SATL1: variants seen among roughly 807,000 people sequenced by gnomAD.
SATL1 encodes spermidine/spermine N1-acetyl transferase like 1, also known as spermidine/spermine N(1)-acetyltransferase-like protein 1.
SATL1 carries 47 observed loss-of-function variants against 51.8 expected under a neutral mutation model. The observed-to-expected ratio is 0.91, with a 90% CI of 0.72 to 1.16. The LOEUF (loss-of-function observed/expected upper bound fraction) is 1.16, where lower values mean the gene tolerates loss of function less well. SATL1 is among the 50% of genes most tolerant of loss of function. The pLI, the probability that SATL1 is intolerant of heterozygous loss-of-function variation, is 0.00. For missense variants in SATL1, 520 were observed against 526.4 expected, an observed-to-expected ratio of 0.99 and a Z score of 0.12; for synonymous variants, 176 against 182.4, an observed-to-expected ratio of 0.97 and a Z score of 0.28.
intron 2 of SATL1, among the ~76,000 whole-genome samples, chrX:85,175,380 A>G (rs747891868): frequency 8.1e-5 from 9 of 111,788 alleles, no homozygotes; most frequent in Non-Finnish European, 1.1e-4. Flanking sequence ...ATAACATTGG[A>G]GTAGGAAAGT....
At chrX:85,125,638 A>T (rs1304416475) in intron 2 of SATL1, among the ~76,000 whole-genome samples, 2 of 109,184 alleles carry the variant, frequency 1.8e-5, no homozygotes, top group Non-Finnish European at 3.8e-5. Flanking sequence ...ACACATGAGA[A>T]CATATCTCAA....
At chrX:85,183,459 T>G (rs1214742195) in intron 2 of SATL1, among the ~76,000 whole-genome samples, 1 of 111,323 alleles carries the variant, frequency 9.0e-6, no homozygotes. Context: ...TACTATGCTC[T>G]TCTGGTTACT....
At chrX:85,104,734 A>C (rs1924992491) in intron 3 of SATL1, among the ~76,000 whole-genome samples, 1 of 111,727 alleles carries the variant, frequency 9.0e-6, no homozygotes, top group Non-Finnish European at 1.9e-5. Flanking sequence ...CCCTATGTAC[A>C]TCCTCTCATA....
At chrX:85,239,452 T>A (rs1421264622) in intron 1 of SATL1, among the ~76,000 whole-genome samples, 1 of 111,668 alleles carries the variant, frequency 9.0e-6, no homozygotes, top group African/African-American at 3.3e-5. Context: ...CTCAAAGAGA[T>A]CTATAGATTA....
At position 85,122,469 on chromosome X, in the gene SATL1, A is replaced by G. The variant is rs772260897; in HGVS notation, c.-312-13189T>C. On this transcript the variant is annotated intron_variant, in intron 2 of 7. Coordinates refer to ENST00000644105, the MANE Select transcript of SATL1 (RefSeq NM_001367857.2). Reference sequence around the variant, plus strand: ...AGAATCACATTCTGTCATACTACTTATCACCATGAGTTAAAATTGTATACT... The same window carrying G: ...AGAATCACATTCTGTCATACTACTTGTCACCATGAGTTAAAATTGTATACT... Among the ~76,000 whole-genome samples, 93 of 111,398 alleles carry G rather than the reference A, an allele frequency of 8.3e-4. 1 individual carries two copies. The highest frequency in any genetic ancestry group is 2.9e-3 in the African/African-American group (89 of 30,768).
At chrX:85,176,669 T>G (rs1174020728) in intron 2 of SATL1, among the ~76,000 whole-genome samples, 2 of 111,541 alleles carry the variant, frequency 1.8e-5, no homozygotes, top group East Asian at 5.6e-4. Flanking sequence ...TGTACATATT[T>G]GTTTACATTT....
chrX:85,142,071 G>A (rs1466971027), intron 2 of SATL1, among the ~76,000 whole-genome samples: 2 of 104,901 alleles, frequency 1.9e-5, no homozygotes, highest in Non-Finnish European at 3.9e-5. Context: ...TTATTGCTAT[G>A]ATATTATAAA....
At chrX:85,228,535 C>T (rs953192540) in intron 1 of SATL1, among the ~76,000 whole-genome samples, 2 of 111,420 alleles carry the variant, frequency 1.8e-5, no homozygotes, top group African/African-American at 3.3e-5. Flanking sequence ...TTCCATTCAT[C>T]CCATTCTTTA....
intron 2 of SATL1, among the ~76,000 whole-genome samples, chrX:85,133,177 C>G (rs1490717868): frequency 8.9e-6 from 1 of 112,368 alleles, no homozygotes; most frequent in Non-Finnish European, 1.9e-5. Context: ...GGGAGAACCA[C>G]TACGCTCTTC....
At chrX:85,127,940 C>G (rs1925669615) in intron 2 of SATL1, among the ~76,000 whole-genome samples, 1 of 109,387 alleles carries the variant, frequency 9.1e-6, no homozygotes, top group Non-Finnish European at 1.9e-5. Context: ...ATTATGGTTT[C>G]CAGTTTCATC....
intron 4 of SATL1, among the ~76,000 whole-genome samples, chrX:85,100,866 A>G (rs1350524381): frequency 8.9e-6 from 1 of 112,000 alleles, no homozygotes; most frequent in Non-Finnish European, 1.9e-5. Flanking sequence ...CATATAGACC[A>G]AGGGAACAGA....
At chrX:85,209,181 T>C (rs1477475325) in intron 2 of SATL1, 1 of 112,132 alleles carries the variant, frequency 8.9e-6, no homozygotes, top group Non-Finnish European at 1.9e-5. Flanking sequence ...GTCAGGTTTG[T>C]CAAAGATCAG....
At chrX:85,094,531 C>T (rs1483686345) in intron 5 of SATL1, among the ~76,000 whole-genome samples, 1 of 111,147 alleles carries the variant, frequency 9.0e-6, no homozygotes, top group East Asian at 2.8e-4. Context: ...GTCGCTTGAG[C>T]TCAGGAGTTT....
At chrX:85,155,588 A>T (rs1926567947) in intron 2 of SATL1, among the ~76,000 whole-genome samples, 2 of 111,870 alleles carry the variant, frequency 1.8e-5, no homozygotes, top group Admixed American at 9.5e-5. Context: ...AAGCTGCTTT[A>T]TTTTCTTCCA....
At chrX:85,162,120 A>G (rs1304906049) in intron 2 of SATL1, among the ~76,000 whole-genome samples, 1 of 112,134 alleles carries the variant, frequency 8.9e-6, no homozygotes, top group Admixed American at 9.5e-5. Context: ...AACTAATGAG[A>G]ACAAAGACAC....
At chrX:85,127,140 T>C (rs1925648280) in intron 2 of SATL1, among the ~76,000 whole-genome samples, 1 of 111,285 alleles carries the variant, frequency 9.0e-6, no homozygotes, top group Admixed American at 9.6e-5. Flanking sequence ...GTACAATTTA[T>C]AGTCAAAAGA....
chrX:85,199,132 C>A (rs1282812481), intron 2 of SATL1, among the ~76,000 whole-genome samples: 1 of 110,636 alleles, frequency 9.0e-6, no homozygotes, highest in Non-Finnish European at 1.9e-5. Flanking sequence ...TTCATTCTTT[C>A]TATATTTTTG....
At chrX:85,154,079 C>T (rs978842941) in intron 2 of SATL1, among the ~76,000 whole-genome samples, 7 of 111,738 alleles carry the variant, frequency 6.3e-5, no homozygotes, top group Non-Finnish European at 1.1e-4. Context: ...GTCAGATTAA[C>T]ACTGCCACAC....
At chrX:85,223,811 AAT>A (rs1928221608) in intron 2 of SATL1, among the ~76,000 whole-genome samples, 1 of 111,834 alleles carries the variant, frequency 8.9e-6, no homozygotes, top group Admixed American at 9.5e-5. Flanking sequence ...AGTAACTCAG[AAT>A]AGTTTTCAAC....
Sources: allele counts gnomAD v4.1 joint callset (sites outside exome capture counted in the v4.1 genomes callset), GRCh38; gene constraint gnomAD v4.1.1; transcripts MANE v1.5; gene names NCBI Gene and HGNC (gene_info 2026-07-23, HGNC 2026-07-21).